HTR1E: variants seen among roughly 807,000 people sequenced by gnomAD.
HTR1E encodes 5-hydroxytryptamine receptor 1E.
Under a neutral mutation model 3.4 loss-of-function variants are expected in HTR1E, and 3 were observed. The ratio of observed to expected loss-of-function variants is 0.89; its 90% CI spans 0.41 to 2.31. HTR1E has a LOEUF of 2.31. HTR1E is among the 30% of genes most tolerant of loss of function. The probability of loss-of-function intolerance (pLI) is 0.05; values close to 1 mark genes in which losing one functional copy is unlikely to be tolerated. For synonymous variants in HTR1E, 170 were observed against 182.8 expected (o/e 0.93, Z 0.56); for missense variants, 392 against 467.0 (o/e 0.84, Z 1.48).
intron 1 of HTR1E, among the ~76,000 whole-genome samples, chr6:87,011,173 G>A (rs181667599): frequency 6.6e-6 from 1 of 152,304 alleles, no homozygotes; most frequent in Admixed American, 6.5e-5. Context: ...GTGGAGCCAG[G>A]AAATGCTGCT....
chr6:86,974,920 G>C (rs1161104892), intron 1 of HTR1E, among the ~76,000 whole-genome samples: 1 of 152,032 alleles, frequency 6.6e-6, no homozygotes, highest in African/African-American at 2.4e-5. Flanking sequence ...GCATTTCTTT[G>C]CTTTATGTTA....
At chr6:87,008,412 T>C (rs1768150281) in intron 1 of HTR1E, among the ~76,000 whole-genome samples, 1 of 152,150 alleles carries the variant, frequency 6.6e-6, no homozygotes, top group Admixed American at 6.5e-5. Flanking sequence ...AAAGAAGAAA[T>C]TGGTACATGG....
intron 1 of HTR1E, among the ~76,000 whole-genome samples, chr6:87,006,922 G>A (rs555450028): frequency 1.3e-5 from 2 of 152,116 alleles, no homozygotes; most frequent in African/African-American, 4.8e-5. Context: ...GGGCCTGCGG[G>A]GGGAGTGGAA....
At chr6:87,009,729 C>A (rs1371807676) in intron 1 of HTR1E, among the ~76,000 whole-genome samples, 3 of 144,748 alleles carry the variant, frequency 2.1e-5, no homozygotes, top group Admixed American at 1.4e-4. Context: ...GGCGGCTGGC[C>A]GGGCAGAGGG....
intron 1 of HTR1E, among the ~76,000 whole-genome samples, chr6:87,000,648 C>A (rs887372120): frequency 6.6e-6 from 1 of 152,120 alleles, no homozygotes; most frequent in African/African-American, 2.4e-5. Flanking sequence ...GTATATCTAG[C>A]AAAAATATCC....
intron 1 of HTR1E, among the ~76,000 whole-genome samples, chr6:86,947,163 T>C (rs1410057118): frequency 3.3e-5 from 5 of 152,230 alleles, no homozygotes; most frequent in African/African-American, 1.2e-4. Context: ...AGTGGAATTG[T>C]ACAATGCTTA....
chr6:86,989,886 C>T (rs978545757), intron 1 of HTR1E, among the ~76,000 whole-genome samples: 7 of 152,044 alleles, frequency 4.6e-5, no homozygotes, highest in Non-Finnish European at 1.0e-4. Flanking sequence ...GCTTTTCAAC[C>T]TACAGTAAGT....
chr6:86,954,567 G>C (rs1490953170), intron 1 of HTR1E, among the ~76,000 whole-genome samples: 2 of 152,188 alleles, frequency 1.3e-5, no homozygotes, highest in South Asian at 2.1e-4. Context: ...CGTGGTTACT[G>C]TGAGGCCCCT....
chr6:86,938,390 A>G (rs1768500993), intron 1 of HTR1E, among the ~76,000 whole-genome samples: 2 of 152,164 alleles, frequency 1.3e-5, no homozygotes, highest in African/African-American at 4.8e-5. Context: ...TACAAAATAA[A>G]TCTTGGAAGT....
intron 1 of HTR1E, among the ~76,000 whole-genome samples, chr6:86,948,695 T>A (rs1404796954): frequency 6.6e-6 from 1 of 151,932 alleles, no homozygotes; most frequent in Non-Finnish European, 1.5e-5. Context: ...GCTCCAAGAG[T>A]GACATGGGAC....
At chr6:86,980,482 G>A (rs1262924765) in intron 1 of HTR1E, among the ~76,000 whole-genome samples, 1 of 151,972 alleles carries the variant, frequency 6.6e-6, no homozygotes, top group East Asian at 1.9e-4. Flanking sequence ...ACTCAGACAC[G>A]GCCCATATAA....
intron 1 of HTR1E, among the ~76,000 whole-genome samples, chr6:86,984,269 ATAC>A (rs1767752521): frequency 6.6e-6 from 1 of 152,234 alleles, no homozygotes; most frequent in South Asian, 2.1e-4. Flanking sequence ...GTAAAATATA[ATAC>A]TGTCTTCTTG....
chr6:87,014,160 A>G (rs1478557583), intron 1 of HTR1E, among the ~76,000 whole-genome samples: 1 of 151,836 alleles, frequency 6.6e-6, no homozygotes, highest in East Asian at 1.9e-4. Context: ...ACCTAATGTA[A>G]ATGACGAGTT....
chr6:86,946,112 G>T (rs1410249514), intron 1 of HTR1E, among the ~76,000 whole-genome samples: 1 of 152,108 alleles, frequency 6.6e-6, no homozygotes, highest in Admixed American at 6.5e-5. Flanking sequence ...AGAAAAAATG[G>T]TTTTTACAAA....
At chr6:86,980,102 G>C (rs577305508) in intron 1 of HTR1E, among the ~76,000 whole-genome samples, 2 of 152,146 alleles carry the variant, frequency 1.3e-5, no homozygotes, top group South Asian at 2.1e-4. Context: ...ATCAAAACAG[G>C]GTCGGCCAGG....
At chr6:86,968,615 C>A (rs1286773346) in intron 1 of HTR1E, among the ~76,000 whole-genome samples, 1 of 152,170 alleles carries the variant, frequency 6.6e-6, no homozygotes, top group Non-Finnish European at 1.5e-5. Flanking sequence ...GGTTCCTTTT[C>A]TGTGAACTCT....
intron 1 of HTR1E, among the ~76,000 whole-genome samples, chr6:86,962,346 A>G (rs1280143799): frequency 6.6e-6 from 1 of 152,312 alleles, no homozygotes; most frequent in East Asian, 1.9e-4. Context: ...GATTAACATA[A>G]TTATTCATTC....
chr6:86,985,825 T>G (rs1207074582), intron 1 of HTR1E, among the ~76,000 whole-genome samples: 1 of 152,196 alleles, frequency 6.6e-6, no homozygotes, highest in Non-Finnish European at 1.5e-5. Context: ...GTGCATCAAC[T>G]TGCTTCTTTT....
At chr6:86,979,065 G>A (rs148926982) in intron 1 of HTR1E, among the ~76,000 whole-genome samples, 67 of 152,360 alleles carry the variant, frequency 4.4e-4, no homozygotes, top group Admixed American at 7.8e-4. Context: ...TCAATTGAGT[G>A]TCCAAGATAA....
Sources: allele counts gnomAD v4.1 joint callset (sites outside exome capture counted in the v4.1 genomes callset), GRCh38; gene constraint gnomAD v4.1.1; transcripts MANE v1.5; gene names NCBI Gene and HGNC (gene_info 2026-07-23, HGNC 2026-07-21).